The following DDX42 variants were observed in gnomAD, a reference collection of about 807,000 sequenced individuals.
DDX42 encodes ATP-dependent RNA helicase DDX42.
A neutral mutation model predicts 101.5 loss-of-function variants in DDX42; 22 were observed. The observed-to-expected ratio is 0.22, with a 90% CI of 0.15 to 0.31. DDX42 has a LOEUF of 0.31. Ranked by LOEUF, DDX42 falls within the 10% of genes least tolerant of loss-of-function variation. The pLI, the probability that DDX42 is intolerant of heterozygous loss-of-function variation, is 1.00. For synonymous variants in DDX42, 402 were observed against 401.2 expected (o/e 1.00, Z -0.02); for missense variants, 849 against 1,199.9 (o/e 0.71, Z 4.32).
chr17:63,777,571 C>T (rs1006915408), intron 1 of DDX42, among the ~76,000 whole-genome samples: 7 of 151,874 alleles, frequency 4.6e-5, no homozygotes, highest in African/African-American at 9.7e-5. Flanking sequence ...CCTCAGCCTC[C>T]GGAGTAGCTG....
At chr17:63,815,791 G>A in intron 16 of DDX42, 118 bp downstream of exon 16, 1 of 585,352 alleles carries the variant, frequency 1.7e-6, no homozygotes, top group South Asian at 2.8e-5. Flanking sequence ...GTCTAGAAGG[G>A]AATTTGTATT....
At chr17:63,815,317 G>A (rs187844457) in intron 15 of DDX42, among the ~76,000 whole-genome samples, 25 of 152,214 alleles carry the variant, frequency 1.6e-4, no homozygotes, top group Non-Finnish European at 8.8e-5. Flanking sequence ...TTCCAGGAGA[G>A]CCTTGAGGGA....
intron 3 of DDX42, among the ~76,000 whole-genome samples, chr17:63,797,458 T>C (rs1598332306): frequency 6.6e-6 from 1 of 152,294 alleles, no homozygotes; most frequent in Non-Finnish European, 1.5e-5. Flanking sequence ...GAACAGAATT[T>C]TCAGCCTTGA....
chr17:63,785,240 G>A (rs759414275), intron 1 of DDX42, among the ~76,000 whole-genome samples: 3 of 151,822 alleles, frequency 2.0e-5, no homozygotes, highest in Non-Finnish European at 2.9e-5. Flanking sequence ...AGGCTGAGGT[G>A]GGTGGATCAC....
chr17:63,805,034 T>C (rs370270466), intron 6 of DDX42, 37 bp from the exon 7 acceptor site: 15 of 1,573,064 alleles, frequency 9.5e-6, no homozygotes, highest in Non-Finnish European at 7.7e-6. Flanking sequence ...AATTGACTCT[T>C]GAATTCTAGA....
At chr17:63,806,291 A>G (rs2039839229) in intron 7 of DDX42, 2 of 311,206 alleles carry the variant, frequency 6.4e-6, no homozygotes, top group Non-Finnish European at 1.1e-5. Context: ...GAGTTAAGAA[A>G]TTTTTAATCA....
At chr17:63,796,760 C>T (rs182785732) in intron 3 of DDX42, among the ~76,000 whole-genome samples, 47 of 152,296 alleles carry the variant, frequency 3.1e-4, no homozygotes, top group Non-Finnish European at 5.3e-4. Context: ...TCTTATGTTA[C>T]ATTGCTTATG....
intron 7 of DDX42, chr17:63,805,857 C>G (rs1193941784): frequency 6.6e-6 from 1 of 152,252 alleles, no homozygotes; most frequent in African/African-American, 2.4e-5. Context: ...GGTTACTCAT[C>G]TCCCCAGTGA....
At chr17:63,786,020 C>T (rs577639290) in intron 1 of DDX42, among the ~76,000 whole-genome samples, 4 of 152,212 alleles carry the variant, frequency 2.6e-5, no homozygotes, top group African/African-American at 4.8e-5. Flanking sequence ...ATATCAGATT[C>T]CCCAAAATAT....
chr17:63,801,027 CTCTTCTCTT>C (rs1305950684), intron 6 of DDX42, among the ~76,000 whole-genome samples: 3 of 134,690 alleles, frequency 2.2e-5, no homozygotes, highest in Non-Finnish European at 4.8e-5. Flanking sequence ...TTTCTTTCTT[CTCTTCTCTT>C]TCTTCTCTTT....
At chr17:63,805,216 A>G (rs763280108) in intron 7 of DDX42, 41 bp downstream of exon 7, 6 of 1,592,078 alleles carry the variant, frequency 3.8e-6, no homozygotes, top group Non-Finnish European at 5.1e-6. Flanking sequence ...ATTAATGTTA[A>G]TTAGTCCAGA....
Position 63,800,596 on chromosome 17 carries a change from T to C in DDX42, c.600T>C (p.Leu200=). 1 of 1,614,080 alleles carries C rather than the reference T, an allele frequency of 6.2e-7. No homozygotes were observed. The highest frequency in any genetic ancestry group is 8.5e-7 in the Non-Finnish European group (1 of 1,179,978). ...IAPTKKIIDP[L]PPIDHSEIDY... Reference sequence around the variant, plus strand: ...CTACCAAAAAAATCATTGATCCTCTTCCCCCCATTGATCATTCAGAGGTAT... The same window carrying C: ...CTACCAAAAAAATCATTGATCCTCTCCCCCCCATTGATCATTCAGAGGTAT... Residue 200 remains leucine (L), a synonymous_variant, in exon 6 of 18, where the codon CTT becomes CTC. Coordinates refer to ENST00000389924, the MANE Select transcript of DDX42 (RefSeq NM_203499.3).
At chr17:63,815,509 T>G (rs2039966280) in intron 15 of DDX42, 54 bp from the exon 16 acceptor site, 12 of 1,365,672 alleles carry the variant, frequency 8.8e-6, no homozygotes, top group Non-Finnish European at 1.2e-5. Flanking sequence ...CTCGTTCTCT[T>G]CTTCTGTTCT....
intron 2 of DDX42, among the ~76,000 whole-genome samples, chr17:63,792,095 T>C (rs1158506834): frequency 6.6e-6 from 1 of 151,824 alleles, no homozygotes; most frequent in Non-Finnish European, 1.5e-5. Context: ...TCTTTAATAT[T>C]TGTCATATTT....
chr17:63,783,430 A>T (rs1282572314), intron 1 of DDX42, among the ~76,000 whole-genome samples: 1 of 152,212 alleles, frequency 6.6e-6, no homozygotes, highest in Non-Finnish European at 1.5e-5. Flanking sequence ...ACTAGGAAAA[A>T]TGAGATTAAA....
At chr17:63,775,960 C>G (rs1232169305) in intron 1 of DDX42, 1 of 152,130 alleles carries the variant, frequency 6.6e-6, no homozygotes, top group South Asian at 2.1e-4. Context: ...ATAACCATAA[C>G]CTAGCATTTA....
At chr17:63,817,649 T>C in intron 17 of DDX42, 45 bp from the exon 18 acceptor site, 1 of 1,577,712 alleles carries the variant, frequency 6.3e-7, no homozygotes, top group Non-Finnish European at 8.7e-7. Context: ...TCAAGTTTCT[T>C]GAACTTGCTA....
intron 1 of DDX42, 162 bp downstream of exon 1, chr17:63,774,538 G>A (rs1422431990): frequency 2.4e-5 from 4 of 169,462 alleles, no homozygotes; most frequent in Non-Finnish European, 5.0e-5. Context: ...GGTGGGAGTG[G>A]GGGCTGAGGC....
rs773448292 is a variant in DDX42, at chr17:63,817,943, A to G, written c.2362A>G (p.Asn788Asp). 22 of 1,614,196 alleles carry G rather than the reference A, an allele frequency of 1.4e-5. No individual in the cohort carries two copies. Among genetic ancestry groups the G allele is most frequent in the Non-Finnish European group, 1.8e-5 (21 of 1,180,024 alleles). The change falls in exon 18 of 18, where the codon AAC becomes GAC. Residue 788 changes from asparagine to aspartate, a missense_variant. By Grantham distance (23) the Asn-to-Asp change is conservative (BLOSUM62 1). This residue lies in a region of DDX42 where 300 missense variants were observed against 304.9 expected (regional missense o/e 0.98). Coordinates refer to ENST00000389924, the MANE Select transcript of DDX42 (RefSeq NM_203499.3). ...CCCGTCTGCCGGAGCCCAAGGAGTC[A>G]ACAACACAGCTTCAGGGAATAACAG... ...TYPSAGAQGV[N>D]NTASGNNSRE... is the part of the protein sequence containing the mutation.
Sources: allele counts gnomAD v4.1 joint callset (sites outside exome capture counted in the v4.1 genomes callset), GRCh38; gene constraint gnomAD v4.1.1; regional missense constraint gnomAD v4.1.1; transcripts MANE v1.5; gene names NCBI Gene and HGNC (gene_info 2026-07-23, HGNC 2026-07-21).